PCDHGB3: variants seen among roughly 807,000 people sequenced by gnomAD.
PCDHGB3 encodes protocadherin gamma subfamily B, 3, also known as protocadherin gamma-B3.
Under a neutral mutation model 59.2 loss-of-function variants are expected in PCDHGB3, and 40 were observed. That is an observed-to-expected ratio of 0.68 (90% CI 0.52 to 0.88). The LOEUF is 0.88. Among genes scored for constraint, PCDHGB3 ranks in the 40% least tolerant of loss-of-function variants. PCDHGB3 has a pLI of 0.00. For synonymous variants in PCDHGB3, 581 were observed against 503.6 expected (o/e 1.15, Z -2.06); for missense variants, 1,309 against 1,187.9 (o/e 1.10, Z -1.50).
chr5:141,453,997 A>C (rs1332821058), intron 1 of PCDHGB3, among the ~76,000 whole-genome samples: 2 of 152,242 alleles, frequency 1.3e-5, no homozygotes, highest in Non-Finnish European at 2.9e-5. Context: ...TGATAAACCC[A>C]CATAACATTT....
chr5:141,421,535 G>A, intron 1 of PCDHGB3: 7 of 1,614,032 alleles, frequency 4.3e-6, no homozygotes, highest in East Asian at 2.2e-5. Flanking sequence ...GTGTCCTCCT[G>A]TTTTTTAAAT....
At chr5:141,417,030 T>G (rs1460954160) in intron 1 of PCDHGB3, 1 of 86,454 alleles carries the variant, frequency 1.2e-5, no homozygotes, top group East Asian at 2.9e-4. Flanking sequence ...AAATACAGGT[T>G]TTTTTTTTAA....
chr5:141,422,874 G>C (rs763219526), intron 1 of PCDHGB3: 56 of 1,614,134 alleles, frequency 3.5e-5, no homozygotes, highest in Non-Finnish European at 1.0e-5. Flanking sequence ...ACGTGTCGCT[G>C]AGCCTGTTCG....
chr5:141,372,230 C>T lies in PCDHGB3; in HGVS notation c.1836C>T (p.Ser612=), dbSNP rs781407090. ...TGTCCTACCACATTGTGCAGGCCAG[C>T]GAGCCCGGGCTGTTCAGCCTGGGCC... ...AWLSYHIVQA[S]EPGLFSLGLR... The change falls in exon 1 of 4, where the codon AGC becomes AGT. Residue 612 remains serine (S), a synonymous_variant. Coordinates refer to ENST00000576222, the MANE Select transcript of PCDHGB3 (RefSeq NM_018924.5). The T allele has an allele frequency of 6.2e-6, 10 of 1,613,346 alleles. No individual in the cohort carries two copies. In the East Asian group the frequency reaches 2.2e-4, roughly 36 times the overall value.
intron 1 of PCDHGB3, chr5:141,376,564 A>T: frequency 1.2e-6 from 2 of 1,607,478 alleles, no homozygotes; most frequent in East Asian, 4.5e-5. Flanking sequence ...CAACCCAACT[A>T]ATCAGACAGG....
chr5:141,400,048 G>A (rs760963865), intron 1 of PCDHGB3: 3 of 1,613,664 alleles, frequency 1.9e-6, no homozygotes, highest in Non-Finnish European at 2.5e-6. Context: ...CCTGCTGGTT[G>A]CTGTGCGTGA....
At chr5:141,478,725 A>C (rs2099473537) in intron 1 of PCDHGB3, 1 of 1,542,096 alleles carries the variant, frequency 6.5e-7, no homozygotes. Flanking sequence ...GGCCTGCCAG[A>C]GTGTGGTTTG....
At chr5:141,393,050 G>A (rs1270447503) in intron 1 of PCDHGB3, 2 of 1,613,668 alleles carry the variant, frequency 1.2e-6, no homozygotes, top group East Asian at 2.2e-5. Flanking sequence ...CTCTGAACCC[G>A]CGCAGCGGCA....
At chr5:141,412,189 T>C (rs560869081) in intron 1 of PCDHGB3, 21 of 152,370 alleles carry the variant, frequency 1.4e-4, no homozygotes, top group Admixed American at 1.2e-3. Context: ...AATGCTCTGA[T>C]GAAAACAGGT....
rs11952292 is a variant in PCDHGB3 at position 141,491,682 on chromosome 5, G to T, written c.2416-3125G>T. The T allele has an allele frequency of 0.072, 115,891 of 1,613,112 alleles. 4,572 individuals carry two copies. The highest frequency in any genetic ancestry group is 0.11 in the South Asian group (9,996 of 91,042). ...ACGCCATCCGGTCCCGCTCTAATAC[G>T]CTGCGGGAGCGGAGCCAGGTGAGGG... On this transcript the variant is annotated intron_variant, in intron 1 of 3. Coordinates refer to ENST00000576222, the MANE Select transcript of PCDHGB3 (RefSeq NM_018924.5). The surrounding 1 kb of genome is among the most constrained non-coding windows in gnomAD (Gnocchi z 6.9).
intron 1 of PCDHGB3, chr5:141,399,285 C>G (rs751998465): frequency 6.2e-7 from 1 of 1,613,838 alleles, no homozygotes; most frequent in Non-Finnish European, 8.5e-7. Flanking sequence ...AAGGCGAAGT[C>G]CCTTTTAAGA....
At chr5:141,461,312 C>T (rs1318872213) in intron 1 of PCDHGB3, among the ~76,000 whole-genome samples, 1 of 152,064 alleles carries the variant, frequency 6.6e-6, no homozygotes, top group African/African-American at 2.4e-5. Flanking sequence ...TGTTTTTTGA[C>T]TTTTTAATAA....
At chr5:141,434,136 TC>T (rs2097674430) in intron 1 of PCDHGB3, among the ~76,000 whole-genome samples, 1 of 152,246 alleles carries the variant, frequency 6.6e-6, no homozygotes, top group Non-Finnish European at 1.5e-5. Context: ...TAGGCTGATT[TC>T]TATGTCCTTT....
chr5:141,371,535 G>C lies in PCDHGB3; in HGVS notation c.1141G>C (p.Glu381Gln), dbSNP rs1389993070. The part of the protein sequence containing the change: ...THDLDSGFNG[E>Q]ILCQLKGNFP... Reference sequence around the variant, plus strand: ...TGATCTAGATTCTGGATTTAATGGAGAAATCCTATGCCAACTAAAAGGAAA... The same window carrying C: ...TGATCTAGATTCTGGATTTAATGGACAAATCCTATGCCAACTAAAAGGAAA... Residue 381 changes from glutamate (E) to glutamine (Q), a missense_variant, in exon 1 of 4, where the codon GAA (glutamate) becomes CAA (glutamine). Physicochemically the swap from Glu to Gln is conservative, Grantham distance 29. Transcript: ENST00000576222. 1 of 1,613,716 alleles carries C rather than the reference G, an allele frequency of 6.2e-7. No homozygotes were observed. Among genetic ancestry groups the C allele is most frequent in the Non-Finnish European group, 8.5e-7 (1 of 1,179,704 alleles).
At position 141,433,401 on chromosome 5, in the gene PCDHGB3, A is replaced by C. The variant is rs181247960; in HGVS notation, c.2415+60592A>C. ...TATCTATCTATCTATCTATCTATCT[A>C]TCTATTACTTTCTTGTACAGACAGG... On this transcript the variant is annotated intron_variant, in intron 1 of 3. Transcript: ENST00000576222. Among the ~76,000 whole-genome samples, 679 of 150,596 alleles carry C rather than the reference A, an allele frequency of 4.5e-3. 8 individuals carry two copies. The highest frequency in any genetic ancestry group is 0.015 in the African/African-American group (630 of 40,956).
At chr5:141,427,896 C>T in intron 1 of PCDHGB3, 2 of 1,570,508 alleles carry the variant, frequency 1.3e-6, no homozygotes, top group Non-Finnish European at 1.7e-6. Context: ...CCAGGGCTCG[C>T]CCGCGCTCAG....
intron 1 of PCDHGB3, among the ~76,000 whole-genome samples, chr5:141,446,824 A>T (rs973108119): frequency 1.3e-5 from 2 of 152,156 alleles, no homozygotes; most frequent in African/African-American, 4.8e-5. Flanking sequence ...AGATGGGTAG[A>T]TCCTTATAAG....
intron 1 of PCDHGB3, chr5:141,395,340 G>T (rs529007241): frequency 2.1e-6 from 3 of 1,419,360 alleles, no homozygotes; most frequent in Non-Finnish European, 1.9e-6. Flanking sequence ...TAATTTTTAA[G>T]GTGTATCACA....
chr5:141,384,283 G>C (rs762515266), intron 1 of PCDHGB3: 19 of 1,613,644 alleles, frequency 1.2e-5, no homozygotes, highest in South Asian at 2.2e-5. Flanking sequence ...AGTCTACATC[G>C]CTGAGAACAA....
Sources: gnomAD v4.1 joint callset for allele counts (sites outside exome capture counted in the v4.1 genomes callset) on GRCh38, gnomAD v4.1.1 for gene constraint, Gnocchi (gnomAD v3.1) non-coding constraint, MANE v1.5 for transcripts, NCBI Gene and HGNC (gene_info 2026-07-23, HGNC 2026-07-21) for gene names.